Variants in DOP1A observed in about 807,000 individuals in gnomAD.
DOP1A encodes DOP1 leucine zipper like protein A.
DOP1A carries 90 observed loss-of-function variants against 267.6 expected under a neutral mutation model. That is an observed-to-expected ratio of 0.34 (90% CI 0.28 to 0.40). The LOEUF (loss-of-function observed/expected upper bound fraction) is 0.40, where lower values mean the gene tolerates loss of function less well. Ranked by LOEUF, DOP1A falls within the 10% of genes least tolerant of loss-of-function variation. The pLI is 1.00. For missense variants in DOP1A, 2,437 were observed against 2,900.4 expected (o/e 0.84, Z 3.67); for synonymous variants, 932 against 999.1 (o/e 0.93, Z 1.27).
rs189976584 is a variant in DOP1A, at chr6:83,082,010, T to A, written c.-147+14231T>A. On this transcript the variant is annotated intron_variant, in intron 1 of 38. Coordinates refer to ENST00000349129, the MANE Select transcript of DOP1A (RefSeq NM_015018.4). ...CTCACTCCTGTTAGAATTGCTGTTA[T>A]CAAAAAGACAAAAGGTAAGTGTTAG... is the stretch of plus-strand genomic sequence containing the variant. Among the ~76,000 whole-genome samples the A allele has an allele frequency of 4.6e-5, 7 of 152,010 alleles. No individual in the cohort carries two copies. In the East Asian group the frequency reaches 1.4e-3, roughly 29 times the overall value.
intron 14 of DOP1A, 149 bp from the exon 15 acceptor site, chr6:83,125,351 C>A: frequency 1.9e-6 from 2 of 1,027,948 alleles, no homozygotes; most frequent in African/African-American, 1.6e-5. Flanking sequence ...TATAAGGCAT[C>A]AGTAATAAAA....
At chr6:83,168,711 AC>A, downstream of DOP1A, 14 of 995,444 alleles carry the variant, frequency 1.4e-5, no homozygotes, top group Non-Finnish European at 1.7e-5. Flanking sequence ...GGGATGGACA[AC>A]CCCCTATTCA....
chr6:83,088,959 C>T (rs914764553), intron 1 of DOP1A, among the ~76,000 whole-genome samples: 4 of 152,148 alleles, frequency 2.6e-5, no homozygotes, highest in Non-Finnish European at 4.4e-5. Flanking sequence ...ACTTATATAG[C>T]TTTTTTTCCG....
Position 83,147,258 on chromosome 6 carries a change from G to A in DOP1A, c.5699G>A (p.Cys1900Tyr). The change falls in exon 26 of 39, where the codon TGC (cysteine) becomes TAC (tyrosine). Residue 1900 changes from cysteine (C) to tyrosine (Y), a missense_variant. Cys to Tyr is a radical substitution (Grantham distance 194). Coordinates refer to ENST00000349129, the MANE Select transcript of DOP1A (RefSeq NM_015018.4). ...TAGAAACATCTTTCTTTGGAAGTCT[G>A]CATGCTTCAGTTTTTCTATGCTTAT... Reference protein sequence around the residue: ...KDKKHLSLEVCMLQFFYAYIQ... With the variant: ...KDKKHLSLEVYMLQFFYAYIQ... 2 of 1,493,582 alleles carry A rather than the reference G, an allele frequency of 1.3e-6. No homozygotes were observed. Among genetic ancestry groups the A allele is most frequent in the Non-Finnish European group, 1.8e-6 (2 of 1,091,134 alleles). The allele number at this position is 1,493,582 out of a possible 1,614,324, so 92.5% of individuals were successfully genotyped here.
chr6:83,111,952 T>C (rs1461961829), intron 6 of DOP1A, among the ~76,000 whole-genome samples: 3 of 152,160 alleles, frequency 2.0e-5, no homozygotes, highest in Non-Finnish European at 4.4e-5. Flanking sequence ...AACCATTGTC[T>C]AATCCAAGGT....
intron 37 of DOP1A, 64 bp downstream of exon 37, chr6:83,160,024 T>A: frequency 6.7e-7 from 1 of 1,497,470 alleles, no homozygotes; most frequent in Non-Finnish European, 9.1e-7. Flanking sequence ...GTCACTGACA[T>A]CTATGACTAA....
intron 38 of DOP1A, chr6:83,165,654 A>C (rs1202974626): frequency 4.9e-6 from 1 of 203,006 alleles, no homozygotes; most frequent in Non-Finnish European, 1.1e-5. Flanking sequence ...ATTTCCCTGC[A>C]AAACGTTGCT....
In DOP1A at chr6:83,167,908, C is replaced by T. The variant is rs762557941; in HGVS notation, c.7139C>T (p.Pro2380Leu). ...DNSGRTLGWEPGHLLLTICTV... is the reference protein window; with the variant it reads ...DNSGRTLGWELGHLLLTICTV... ...TCAGGGAGAACATTGGGTTGGGAGC[C>T]AGGGCACTTGCTGCTCACCATCTGC... The change falls in exon 39 of 39, where the codon CCA (proline) becomes CTA (leucine). Residue 2380 changes from proline to leucine, a missense_variant. Physicochemically the swap from Pro to Leu is moderately conservative, Grantham distance 98. Transcript: ENST00000349129. 1 of 1,613,542 alleles carries T rather than the reference C, an allele frequency of 6.2e-7. No homozygotes were observed. The highest frequency in any genetic ancestry group is 1.7e-5 in the Admixed American group (1 of 59,968).
chr6:83,166,395 C>T, intron 38 of DOP1A: 1 of 701,954 alleles, frequency 1.4e-6, no homozygotes, highest in Non-Finnish European at 2.6e-6. Flanking sequence ...CATCACGGCA[C>T]TGTATGTTCA....
rs1231696950 is a variant in DOP1A, at chr6:83,145,222, AAT to A, written c.5542-288_5542-287del. Among the ~76,000 whole-genome samples the A allele has an allele frequency of 1.4e-4, 10 of 70,554 alleles. 1 individual carries two copies. Among genetic ancestry groups the A allele is most frequent in the African/African-American group, 3.6e-4 (5 of 13,928 alleles). 46.3% of individuals were successfully genotyped at this position (70,554 alleles called of 152,430 possible). On this transcript the variant is annotated intron_variant, in intron 24 of 38. Transcript: ENST00000349129. ...TATATATAATAATATATATATATAT[AAT>A]ATATATATATATAAGTAAAATTTGC...
At chr6:83,166,362 C>A in intron 38 of DOP1A, 2 of 698,296 alleles carry the variant, frequency 2.9e-6, no homozygotes, top group Non-Finnish European at 2.6e-6. Flanking sequence ...AGGCTCTAGT[C>A]TCCTTTGCAA....
intron 1 of DOP1A, 76 bp from the exon 2 acceptor site, chr6:83,096,655 T>C (rs952738317): frequency 7.3e-6 from 3 of 410,660 alleles, no homozygotes; most frequent in African/African-American, 6.1e-5. Context: ...AACATGATTC[T>C]AAATTGAAAT....
rs757755405 is a variant in DOP1A, at chr6:83,119,014, AT to A, written c.880+29del. ...TAGGTATTTGATGTCTGTGGTCATG[AT>A]TGGGGAAAAAATGGAGGGAGATTTG... is the stretch of plus-strand genomic sequence containing the variant. On this transcript the variant is annotated intron_variant, in intron 8 of 38. Coordinates refer to ENST00000349129, the MANE Select transcript of DOP1A (RefSeq NM_015018.4). The A allele has an allele frequency of 5.4e-4, 856 of 1,596,962 alleles. 2 individuals are homozygous for A. Among genetic ancestry groups the A allele is most frequent in the Admixed American group, 6.2e-4 (37 of 59,762 alleles).
intron 1 of DOP1A, among the ~76,000 whole-genome samples, chr6:83,080,785 C>G (rs1030225667): frequency 1.3e-5 from 2 of 152,172 alleles, no homozygotes; most frequent in Non-Finnish European, 2.9e-5. Flanking sequence ...TCACCACGGC[C>G]ATTTATTGAA....
rs984382101 is a variant in DOP1A, at chr6:83,130,317, G to A, written c.2536G>A (p.Gly846Arg). The part of the protein sequence containing the change: ...EPAQPLSPNQ[G>R]RVAVVIRPPL... The stretch of plus-strand genomic sequence containing the variant: ...TGCACAACCCTTAAGTCCAAACCAG[G>A]GAAGAGTAGCTGTGGTTATTAGACC... Residue 846 changes from glycine to arginine, a missense_variant, in exon 17 of 39, where the codon GGA (glycine) becomes AGA (arginine). By Grantham distance (125) the Gly-to-Arg change is moderately radical (BLOSUM62 -2). Around this residue, in one of 9 missense-constraint regions of DOP1A, gnomAD observed 878 missense variants for 992.9 expected, o/e 0.88. Transcript: ENST00000349129. The A allele has an allele frequency of 1.2e-6, 2 of 1,614,084 alleles. No homozygotes were observed. The highest frequency in any genetic ancestry group is 1.7e-6 in the Non-Finnish European group (2 of 1,179,990).
At chr6:83,077,667 C>A (rs1767334773) in intron 1 of DOP1A, among the ~76,000 whole-genome samples, 1 of 151,972 alleles carries the variant, frequency 6.6e-6, no homozygotes, top group Non-Finnish European at 1.5e-5. Context: ...TAGAATGAGA[C>A]CTTGTCTCAA....
At chr6:83,147,148 T>G (rs1393453294) in intron 25 of DOP1A, 88 bp from the exon 26 acceptor site, 2 of 526,176 alleles carry the variant, frequency 3.8e-6, no homozygotes, top group African/African-American at 3.9e-5. Context: ...TAATTAAAAA[T>G]TGGCAGTAAG....
At chr6:83,101,654 C>G (rs1252343583) in intron 4 of DOP1A, among the ~76,000 whole-genome samples, 3 of 152,184 alleles carry the variant, frequency 2.0e-5, no homozygotes, top group African/African-American at 7.2e-5. Flanking sequence ...CACAGAGTTT[C>G]TTAGGGCTCA....
chr6:83,112,573 C>G (rs1331876365), intron 6 of DOP1A, among the ~76,000 whole-genome samples: 1 of 152,098 alleles, frequency 6.6e-6, no homozygotes, highest in Non-Finnish European at 1.5e-5. Flanking sequence ...AAGTAAACTC[C>G]CTTGCCTCAG....
Sources: allele counts gnomAD v4.1 joint callset (sites outside exome capture counted in the v4.1 genomes callset), GRCh38; gene constraint gnomAD v4.1.1; regional missense constraint gnomAD v4.1.1; transcripts MANE v1.5; gene names NCBI Gene and HGNC (gene_info 2026-07-23, HGNC 2026-07-21).